Variants in PIP4P2 observed in about 807,000 individuals in gnomAD.
PIP4P2 encodes type 2 phosphatidylinositol 4,5-bisphosphate 4-phosphatase.
A neutral mutation model predicts 33.3 loss-of-function variants in PIP4P2; 19 were observed. The ratio of observed to expected loss-of-function variants is 0.57; its 90% confidence interval spans 0.40 to 0.84. The LOEUF is 0.84. Among genes scored for constraint, PIP4P2 ranks in the 40% least tolerant of loss-of-function variants. The probability of loss-of-function intolerance (pLI) is 0.00; values close to 1 mark genes in which losing one functional copy is unlikely to be tolerated. For missense variants in PIP4P2, 270 were observed against 324.7 expected (o/e 0.83, Z 1.29); for synonymous variants, 110 against 111.9 (o/e 0.98, Z 0.11).
intron 4 of PIP4P2, among the ~76,000 whole-genome samples, chr8:91,009,932 T>C (rs989337313): frequency 3.3e-5 from 5 of 151,878 alleles, no homozygotes; most frequent in African/African-American, 9.7e-5. Flanking sequence ...GAAATAAAAC[T>C]TTACATGAAT....
intron 3 of PIP4P2, 33 bp downstream of exon 3, chr8:91,020,124 G>A (rs755211938): frequency 1.9e-5 from 31 of 1,598,000 alleles, no homozygotes; most frequent in Admixed American, 1.2e-4. Context: ...ATGAACAAAT[G>A]AATGAATCAA....
In PIP4P2 at chr8:90,995,462, G is replaced by A. The variant is rs1046163347; in HGVS notation, c.*215C>T. 2.6e-6 allele frequency: 1 copy of A among 382,730 alleles called. No individual in the cohort carries two copies. Among genetic ancestry groups the A allele is most frequent in the Admixed American group, 4.6e-5 (1 of 21,542 alleles). 23.7% of individuals were successfully genotyped at this position (382,730 alleles called of 1,614,324 possible). A position where few individuals can be genotyped will look rare whatever the true frequency, so the allele number is the denominator to read the frequency against. ...TAAGAGATGTAAAAGAACATGAAAA[G>A]GCTTTATTATTCAAATTTTGAAAAC... On this transcript the variant is annotated 3_prime_UTR_variant, in exon 7 of 7. Transcript: ENST00000285419.
At chr8:91,014,873 A>G (rs368367513) in intron 4 of PIP4P2, among the ~76,000 whole-genome samples, 3 of 152,224 alleles carry the variant, frequency 2.0e-5, no homozygotes, top group African/African-American at 7.2e-5. Flanking sequence ...GTATATCAAA[A>G]CATTAGGCTG....
intron 4 of PIP4P2, among the ~76,000 whole-genome samples, chr8:91,012,461 A>G (rs1811850136): frequency 6.6e-6 from 1 of 152,092 alleles, no homozygotes; most frequent in Non-Finnish European, 1.5e-5. Flanking sequence ...TAAGGCTGTA[A>G]GAACTTTGTA....
chr8:91,040,700 T>G lies in PIP4P2; in HGVS notation c.50A>C (p.His17Pro). 1.9e-6 allele frequency: 3 copies of G among 1,612,592 alleles called. No individual in the cohort carries two copies. The highest frequency in any genetic ancestry group is 1.9e-4 in the Middle Eastern group (1 of 5,340). Residue 17 changes from histidine to proline, a missense_variant, in exon 1 of 7, where the codon CAC (histidine) becomes CCC (proline). By Grantham distance (77) the His-to-Pro change is moderately conservative. Coordinates refer to ENST00000285419, the MANE Select transcript of PIP4P2 (RefSeq NM_018710.3). ...DERSPLLSASHSGNVTPTAPP... is the reference protein window; with the variant it reads ...DERSPLLSASPSGNVTPTAPP... ...GGCGGTGGGAGTGACATTTCCGGAG[T>G]GGGATGCTGACAGCAGAGGCGAGCG...
chr8:91,038,890 T>G (rs921076723), intron 1 of PIP4P2, among the ~76,000 whole-genome samples: 12 of 152,202 alleles, frequency 7.9e-5, no homozygotes, highest in Admixed American at 7.2e-4. Context: ...TGAATTTCTC[T>G]GGTTGTTAAA....
intron 1 of PIP4P2, among the ~76,000 whole-genome samples, chr8:91,035,842 A>C (rs1812225318): frequency 6.6e-6 from 1 of 152,136 alleles, no homozygotes; most frequent in African/African-American, 2.4e-5. Context: ...CAGCCTGGGC[A>C]AGCTGGTGAA....
At chr8:91,030,168 T>G (rs762881587) in intron 1 of PIP4P2, among the ~76,000 whole-genome samples, 1 of 151,102 alleles carries the variant, frequency 6.6e-6, no homozygotes, top group Admixed American at 6.6e-5. Flanking sequence ...AGATCTCATT[T>G]GTGCCATTGC....
At chr8:91,037,060 T>C (rs948923767) in intron 1 of PIP4P2, among the ~76,000 whole-genome samples, 26 of 152,234 alleles carry the variant, frequency 1.7e-4, no homozygotes, top group Admixed American at 1.6e-3. Context: ...AGATAAAAGC[T>C]GTAAAACCTC....
rs780511369 is a variant in PIP4P2, at chr8:90,995,668, T to C, written c.*9A>G. 35 of 1,606,238 alleles carry C rather than the reference T, an allele frequency of 2.2e-5. No individual in the cohort carries two copies. In the East Asian group the frequency reaches 7.6e-4, roughly 35 times the overall value. On this transcript the variant is annotated 3_prime_UTR_variant, in exon 7 of 7. Coordinates refer to ENST00000285419, the MANE Select transcript of PIP4P2 (RefSeq NM_018710.3). ...CACTCTCACCTGCATTACTGAATCA[T>C]AAACAAGCTTATGCAAAACTGTGTT...
intron 5 of PIP4P2, among the ~76,000 whole-genome samples, chr8:90,999,234 AAT>A (rs1275710560): frequency 2.0e-5 from 3 of 152,154 alleles, no homozygotes; most frequent in Non-Finnish European, 4.4e-5. Context: ...CACCAGTCAG[AAT>A]TAATACTACT....
intron 4 of PIP4P2, among the ~76,000 whole-genome samples, chr8:91,009,360 T>C (rs1278680155): frequency 6.6e-6 from 1 of 152,042 alleles, no homozygotes; most frequent in Non-Finnish European, 1.5e-5. Flanking sequence ...ATGTGCTACC[T>C]TCCTCACATG....
At chr8:91,033,556 A>G (rs1008453889) in intron 1 of PIP4P2, among the ~76,000 whole-genome samples, 1 of 152,086 alleles carries the variant, frequency 6.6e-6, no homozygotes, top group Non-Finnish European at 1.5e-5. Context: ...TCTCCTCCAC[A>G]TGCCAACCAA....
At chr8:91,032,796 AAAAAAG>A (rs1487867706) in intron 1 of PIP4P2, among the ~76,000 whole-genome samples, 149 of 151,812 alleles carry the variant, frequency 9.8e-4, no homozygotes, top group Non-Finnish European at 2.0e-3. Flanking sequence ...AAAAAAAAAA[AAAAAAG>A]AAAGAAACAC....
chr8:91,034,234 CA>C (rs1321249606), intron 1 of PIP4P2, among the ~76,000 whole-genome samples: 1 of 152,134 alleles, frequency 6.6e-6, no homozygotes, highest in African/African-American at 2.4e-5. Context: ...CTGTAATAGG[CA>C]TTCAAATATT....
intron 4 of PIP4P2, among the ~76,000 whole-genome samples, chr8:91,012,584 C>T (rs907783151): frequency 5.9e-5 from 9 of 152,064 alleles, no homozygotes; most frequent in Admixed American, 2.0e-4. Context: ...CAAAAACTTC[C>T]TATAAAATTT....
Position 91,040,855 on chromosome 8 carries a change from C to T in PIP4P2, c.-106G>A. The T allele has an allele frequency of 2.1e-6, 2 of 936,264 alleles. No homozygotes were observed. The highest frequency in any genetic ancestry group is 3.1e-6 in the Non-Finnish European group (2 of 645,774). The allele number at this position is 936,264 out of a possible 1,614,324, so 58.0% of individuals were successfully genotyped here. On this transcript the variant is annotated 5_prime_UTR_variant, in exon 1 of 7. Coordinates refer to ENST00000285419, the MANE Select transcript of PIP4P2 (RefSeq NM_018710.3). ...GCTGCCGCTGCTGCCGCTGCAGCTG[C>T]TGCTGCTGCCGCCTCCGGGAGGGCC... is the stretch of plus-strand genomic sequence containing the variant.
chr8:91,015,263 T>C (rs1428945105), intron 4 of PIP4P2, among the ~76,000 whole-genome samples: 1 of 151,792 alleles, frequency 6.6e-6, no homozygotes, highest in Non-Finnish European at 1.5e-5. Context: ...AAAAGACCAA[T>C]TGATACTAAT....
At chr8:91,032,463 T>C (rs1249300556) in intron 1 of PIP4P2, among the ~76,000 whole-genome samples, 1 of 151,988 alleles carries the variant, frequency 6.6e-6, no homozygotes, top group Non-Finnish European at 1.5e-5. Flanking sequence ...ATTCCCAATT[T>C]ATTGAATACC....
Sources: allele counts gnomAD v4.1 joint callset (sites outside exome capture counted in the v4.1 genomes callset), GRCh38; gene constraint gnomAD v4.1.1; transcripts MANE v1.5; gene names NCBI Gene and HGNC (gene_info 2026-07-23, HGNC 2026-07-21).